Variants in ANKRD17 observed in about 807,000 individuals in gnomAD.
ANKRD17 encodes ankyrin repeat domain-containing protein 17.
Under a neutral mutation model 229.7 loss-of-function variants are expected in ANKRD17, and 19 were observed. That is an observed-to-expected ratio of 0.08 (90% CI 0.06 to 0.12). The LOEUF (loss-of-function observed/expected upper bound fraction) is 0.12. ANKRD17 is among the 10% of genes least tolerant of loss of function. The probability of loss-of-function intolerance (pLI) is 1.00; values close to 1 mark genes in which losing one functional copy is unlikely to be tolerated. For missense variants in ANKRD17, 2,176 were observed against 3,176.8 expected (o/e 0.68, Z 7.57); for synonymous variants, 1,112 against 1,146.1 (o/e 0.97, Z 0.60).
rs1004985232 is a variant in ANKRD17, at chr4:73,099,254, C to A, written c.4574-734G>T. 4 of 552,392 alleles carry A rather than the reference C, an allele frequency of 7.2e-6. No individual in the cohort carries two copies. The African/African-American group carries it at 7.6e-5, about 10-fold the overall frequency. The allele number at this position is 552,392 out of a possible 1,614,324, so 34.2% of individuals were successfully genotyped here. On this transcript the variant is annotated intron_variant, in intron 25 of 33. Transcript: ENST00000358602. Reference sequence around the variant, plus strand: ...CCCTTTCCCAGGCTCACCATCACCACTGCCTCCGGCTGCCACCCCCATCCT... The same window carrying A: ...CCCTTTCCCAGGCTCACCATCACCAATGCCTCCGGCTGCCACCCCCATCCT...
At chr4:73,146,652 A>G (rs1270300184) in intron 10 of ANKRD17, 112 bp downstream of exon 10, 1 of 811,720 alleles carries the variant, frequency 1.2e-6, no homozygotes, top group Non-Finnish European at 1.8e-6. Context: ...AAATAAAAAT[A>G]AAAAAAACAA....
intron 3 of ANKRD17, among the ~76,000 whole-genome samples, chr4:73,160,631 C>T (rs142498222): frequency 6.6e-6 from 1 of 152,158 alleles, no homozygotes; most frequent in East Asian, 1.9e-4. Flanking sequence ...TTTACTGAGT[C>T]CTTACTAACT....
chr4:73,166,409 T>C (rs1733236373), intron 2 of ANKRD17, among the ~76,000 whole-genome samples: 1 of 152,162 alleles, frequency 6.6e-6, no homozygotes, highest in African/African-American at 2.4e-5. Context: ...TGAGAGTGGT[T>C]TTTTAAACTG....
intron 1 of ANKRD17, among the ~76,000 whole-genome samples, chr4:73,199,819 G>A (rs994974348): frequency 3.3e-5 from 5 of 152,152 alleles, no homozygotes; most frequent in Non-Finnish European, 5.9e-5. Context: ...AGGACACCTA[G>A]AGGGCAGTCA....
chr4:73,168,348 T>G (rs1347841716), intron 2 of ANKRD17, among the ~76,000 whole-genome samples: 1 of 152,090 alleles, frequency 6.6e-6, no homozygotes, highest in East Asian at 1.9e-4. Flanking sequence ...TTACAAAACC[T>G]AAGAAAACAT....
chr4:73,175,535 A>T (rs1734623731), intron 2 of ANKRD17, among the ~76,000 whole-genome samples: 1 of 152,242 alleles, frequency 6.6e-6, no homozygotes, highest in African/African-American at 2.4e-5. Context: ...AGAAAGAATC[A>T]CATTACCTGA....
intron 2 of ANKRD17, among the ~76,000 whole-genome samples, chr4:73,171,670 A>G (rs540431983): frequency 6.6e-6 from 1 of 152,178 alleles, no homozygotes; most frequent in Non-Finnish European, 1.5e-5. Flanking sequence ...TAAAGATAAC[A>G]CAGAGAAGGA....
intron 16 of ANKRD17, among the ~76,000 whole-genome samples, chr4:73,125,729 T>C (rs1316530558): frequency 1.1e-4 from 8 of 73,546 alleles, no homozygotes; most frequent in Non-Finnish European, 2.2e-4. Flanking sequence ...CGAGACTCCG[T>C]CTCAAAAAAA....
chr4:73,182,050 C>A (rs1735635064), intron 1 of ANKRD17, among the ~76,000 whole-genome samples: 1 of 37,714 alleles, frequency 2.7e-5, no homozygotes. Flanking sequence ...TCCGTCCCCA[C>A]CAAAAAAAAA....
At position 73,154,126 on chromosome 4, in the gene ANKRD17, G is replaced by T. The variant is rs757645184; in HGVS notation, c.1001-13C>A. 6.8e-7 allele frequency: 1 copy of T among 1,478,914 alleles called. No individual in the cohort carries two copies. The highest frequency in any genetic ancestry group is 2.5e-5 in the East Asian group (1 of 40,748). 91.6% of individuals were successfully genotyped at this position (1,478,914 alleles called of 1,614,324 possible). Reference sequence around the variant, plus strand: ...AGTGCTGTATTGCCTATTTTAATTAGGAAAAATAAAAAGACATTAACATAA... The same window carrying T: ...AGTGCTGTATTGCCTATTTTAATTATGAAAAATAAAAAGACATTAACATAA... On this transcript the variant is annotated splice_polypyrimidine_tract_variant and intron_variant, in intron 5 of 33. Coordinates refer to ENST00000358602, the MANE Select transcript of ANKRD17 (RefSeq NM_032217.5).
intron 1 of ANKRD17, among the ~76,000 whole-genome samples, chr4:73,210,372 T>G (rs1300582542): frequency 6.6e-6 from 1 of 152,126 alleles, no homozygotes; most frequent in Non-Finnish European, 1.5e-5. Flanking sequence ...ACAAATTTCA[T>G]GAAATATTTA....
Position 73,163,384 on chromosome 4 carries a change from C to A in ANKRD17, c.548-2036G>T, listed in dbSNP as rs956030171. Among the ~76,000 whole-genome samples the A allele has an allele frequency of 2.6e-5, 4 of 152,276 alleles. No homozygotes were observed. The South Asian group carries it at 8.3e-4, about 32-fold the overall frequency. On this transcript the variant is annotated intron_variant, in intron 2 of 33. Coordinates refer to ENST00000358602, the MANE Select transcript of ANKRD17 (RefSeq NM_032217.5). ...TAGAAGCACTGCTATCGCTTGGGAG[C>A]TTGTCAGAAATGCAGAATCTCAGGC... is the stretch of plus-strand genomic sequence containing the variant.
intron 6 of ANKRD17, among the ~76,000 whole-genome samples, chr4:73,152,633 C>T (rs539819014): frequency 6.6e-6 from 1 of 152,084 alleles, no homozygotes; most frequent in African/African-American, 2.4e-5. Context: ...CAAGCAAAGG[C>T]GAGAGGGCAG....
Position 73,098,156 on chromosome 4 carries a change from A to G in ANKRD17, c.4938T>C (p.Thr1646=), listed in dbSNP as rs1253741519. The G allele has an allele frequency of 6.2e-7, 1 of 1,614,208 alleles. No homozygotes were observed. The highest frequency in any genetic ancestry group is 8.5e-7 in the Non-Finnish European group (1 of 1,180,028). The change falls in exon 26 of 34, where the codon ACT becomes ACC. Residue 1646 remains threonine (T), a synonymous_variant. Transcript: ENST00000358602. ...DNHSPAVVTT[T]VSSKKQPSVL... Reference sequence around the variant, plus strand: ...CTGATGGCTGCTTTTTGCTGCTCACAGTGGTAGTGACCACAGCTGGTGAAT... The same window carrying G: ...CTGATGGCTGCTTTTTGCTGCTCACGGTGGTAGTGACCACAGCTGGTGAAT...
chr4:73,096,277 C>T (rs531452467), intron 27 of ANKRD17, among the ~76,000 whole-genome samples: 1 of 152,056 alleles, frequency 6.6e-6, no homozygotes. Flanking sequence ...TATACAAAAA[C>T]CAAATTATCT....
chr4:73,126,239 T>C (rs1727452189), intron 16 of ANKRD17, among the ~76,000 whole-genome samples: 1 of 152,194 alleles, frequency 6.6e-6, no homozygotes. Context: ...AGCTGAGTTT[T>C]GATCAGTCCA....
Position 73,086,919 on chromosome 4 carries a change from A to AATATATATATATATAT in ANKRD17, c.6962-1489_6962-1474dup, listed in dbSNP as rs61024099. Among the ~76,000 whole-genome samples the AATATATATATATATAT allele has an allele frequency of 1.9e-3, 24 of 12,454 alleles. 1 individual carries two copies. The highest frequency in any genetic ancestry group is 0.071 in the Middle Eastern group (1 of 14). The allele number at this position is 12,454 out of a possible 152,430, so 8.2% of individuals were successfully genotyped here. A position where few individuals can be genotyped will look rare whatever the true frequency, so the allele number is the denominator to read the frequency against. On this transcript the variant is annotated intron_variant, in intron 29 of 33. Coordinates refer to ENST00000358602, the MANE Select transcript of ANKRD17 (RefSeq NM_032217.5). ...TCTCAAAAAAAAAAAAAAAAAAAAA[A>AATATATATATATATAT]ATATATATATATATATATATATATA...
At chr4:73,086,111 G>C (rs1722094623) in intron 29 of ANKRD17, among the ~76,000 whole-genome samples, 1 of 152,122 alleles carries the variant, frequency 6.6e-6, no homozygotes, top group Admixed American at 6.5e-5. Context: ...AGTACTTTCA[G>C]CACTAGTGGG....
In ANKRD17 at chr4:73,226,389, GTT is replaced by G. The variant is rs1157719883; in HGVS notation, c.393+31885_393+31886del. On this transcript the variant is annotated intron_variant, in intron 1 of 33. Transcript: ENST00000358602. ...TAATAGTAATAATTTCTTTTCTTCT[GTT>G]TTTTTTTTTTTTTTTTTTTTTGAGA... Among the ~76,000 whole-genome samples the G allele has an allele frequency of 4.3e-4, 38 of 87,618 alleles. No individual in the cohort carries two copies. The South Asian group carries it at 0.015, about 34-fold the overall frequency. 57.5% of individuals were successfully genotyped at this position (87,618 alleles called of 152,430 possible). A position where few individuals can be genotyped will look rare whatever the true frequency, so the allele number is the denominator to read the frequency against.
Sources: gnomAD v4.1 joint callset for allele counts (sites outside exome capture counted in the v4.1 genomes callset) on GRCh38, gnomAD v4.1.1 for gene constraint, MANE v1.5 for transcripts, NCBI Gene and HGNC (gene_info 2026-07-23, HGNC 2026-07-21) for gene names.